Variants in MYOCOS observed in about 807,000 individuals in gnomAD.
The protein encoded by MYOCOS is myocilin opposite strand, also known as myocilin opposite strand protein.
upstream of MYOCOS, among the ~76,000 whole-genome samples, chr1:171,618,782 G>T (rs146339522): frequency 1.9e-4 from 29 of 152,238 alleles, 1 homozygote; most frequent in East Asian, 5.0e-3. Flanking sequence ...CACCATGTTG[G>T]CCAGGCTGGT....
intron 1 of MYOCOS, among the ~76,000 whole-genome samples, chr1:171,607,970 A>G (rs545626129): frequency 6.6e-6 from 1 of 152,346 alleles, no homozygotes; most frequent in African/African-American, 2.4e-5. Context: ...CACATCTTAC[A>G]TGGCATCAGA....
At chr1:171,619,286 T>C (rs1652511342), upstream of MYOCOS, among the ~76,000 whole-genome samples, 1 of 152,220 alleles carries the variant, frequency 6.6e-6, no homozygotes, top group Non-Finnish European at 1.5e-5. Context: ...GTTCAACTGC[T>C]TTATTACTAG....
Position 171,623,974 on chromosome 1 carries a change from A to T in MYOCOS, c.91A>T (p.Thr31Ser). The T allele has an allele frequency of 2.5e-6, 1 of 398,560 alleles. No individual in the cohort carries two copies. Among genetic ancestry groups the T allele is most frequent in the Non-Finnish European group, 4.4e-6 (1 of 226,064 alleles). The allele number at this position is 398,560 out of a possible 1,614,324, so 24.7% of individuals were successfully genotyped here. A position where few individuals can be genotyped will look rare whatever the true frequency, so the allele number is the denominator to read the frequency against. The part of the protein sequence containing the change: ...EVTRRRVTMI[T>S]RKEIITQKSD... ...AACCAGGCGCCGAGTCACCATGATC[A>T]CAAGGTACCCAAAATCTTTCCTCTG... Residue 31 changes from threonine to serine, a missense_variant, in exon 2 of 3, where the codon ACA (threonine) becomes TCA (serine). By Grantham distance (58) the Thr-to-Ser change is moderately conservative (BLOSUM62 1). Transcript: ENST00000637642.
intron 1 of MYOCOS, among the ~76,000 whole-genome samples, chr1:171,607,515 A>G (rs1230000784): frequency 6.6e-6 from 1 of 152,198 alleles, no homozygotes; most frequent in Non-Finnish European, 1.5e-5. Flanking sequence ...TCTGTGTATT[A>G]AGGTACCATG....
chr1:171,624,521 C>T (rs1002072472), intron 2 of MYOCOS, among the ~76,000 whole-genome samples: 3 of 151,926 alleles, frequency 2.0e-5, no homozygotes, highest in Non-Finnish European at 4.4e-5. Context: ...ACTGCAAGCT[C>T]CGCCTCCCGG....
chr1:171,613,301 A>G (rs1326938295), intron 1 of MYOCOS, among the ~76,000 whole-genome samples: 1 of 152,196 alleles, frequency 6.6e-6, no homozygotes, highest in Non-Finnish European at 1.5e-5. Context: ...GGTTGCACAA[A>G]GGGAGGTCCC....
At chr1:171,623,481 C>A (rs1374368310) in intron 1 of MYOCOS, among the ~76,000 whole-genome samples, 1 of 152,150 alleles carries the variant, frequency 6.6e-6, no homozygotes, top group Non-Finnish European at 1.5e-5. Flanking sequence ...GAGGAACCAG[C>A]ATGAGACAGG....
chr1:171,624,435 A>AATTATTATTATT (rs72026900), intron 2 of MYOCOS, among the ~76,000 whole-genome samples: 2,570 of 147,154 alleles, frequency 0.017, 50 homozygotes, highest in African/African-American at 0.043. Context: ...ACGTCTGGTT[A>AATTATTATTATT]ATTATTATTA....
intron 1 of MYOCOS, chr1:171,604,227 C>T (rs1652201125): frequency 6.6e-6 from 1 of 152,152 alleles, no homozygotes; most frequent in African/African-American, 2.4e-5. Context: ...TCCAGTCACA[C>T]CCGGAAGGTG....
chr1:171,605,373 CCACACA>C (rs55880778), intron 1 of MYOCOS, among the ~76,000 whole-genome samples: 1 of 139,222 alleles, frequency 7.2e-6, no homozygotes, highest in African/African-American at 2.6e-5. Flanking sequence ...ATTAATAGTA[CCACACA>C]CACACACACA....
intron 1 of MYOCOS, among the ~76,000 whole-genome samples, chr1:171,611,776 G>C (rs1196510268): frequency 6.6e-6 from 1 of 152,166 alleles, no homozygotes. Context: ...ACCAGGCATT[G>C]TGCTTCTTTC....
At chr1:171,602,855 C>G (rs1409813675) in intron 1 of MYOCOS, among the ~76,000 whole-genome samples, 1 of 152,144 alleles carries the variant, frequency 6.6e-6, no homozygotes, top group Non-Finnish European at 1.5e-5. Flanking sequence ...AAGTTAAAGA[C>G]TTAAAACAAA....
chr1:171,609,534 C>G (rs1463985887), intron 1 of MYOCOS, among the ~76,000 whole-genome samples: 1 of 152,200 alleles, frequency 6.6e-6, no homozygotes, highest in Non-Finnish European at 1.5e-5. Flanking sequence ...CCAAGTGGGT[C>G]ACTGGGAATG....
intron 1 of MYOCOS, among the ~76,000 whole-genome samples, chr1:171,606,236 TC>T (rs889507928): frequency 3.3e-5 from 5 of 152,152 alleles, no homozygotes; most frequent in African/African-American, 1.2e-4. Flanking sequence ...CCAAAATGCT[TC>T]AGCACAAGTG....
chr1:171,601,513 G>C lies in MYOCOS; in HGVS notation c.-252+433G>C, dbSNP rs1465016672. ...AAAAAAAAAATAGGTCAGGTGCAAA[G>C]TAAGCCCACCCCACTGGGAACTATG... On this transcript the variant is annotated intron_variant, in intron 1 of 3. Coordinates refer to the MYOCOS transcript ENST00000636697. 3.3e-5 allele frequency among the ~76,000 whole-genome samples: 5 copies of C among 151,808 alleles called. No homozygotes were observed. In the East Asian group the frequency reaches 7.7e-4, roughly 23 times the overall value.
chr1:171,618,756 A>G (rs1652496405), upstream of MYOCOS, among the ~76,000 whole-genome samples: 4 of 152,112 alleles, frequency 2.6e-5, 1 homozygote, highest in South Asian at 8.3e-4. Context: ...TTGTATTTTT[A>G]GTAGAGACGG....
At chr1:171,621,381 T>C (rs1481253443), upstream of MYOCOS, among the ~76,000 whole-genome samples, 1 of 146,902 alleles carries the variant, frequency 6.8e-6, no homozygotes, top group South Asian at 2.2e-4. Context: ...TGGGTTTTTT[T>C]TTTTTTTTTT....
At chr1:171,622,178 T>G (rs7529021), upstream of MYOCOS, 30,287 of 152,040 alleles carry the variant, frequency 0.2, 3,244 homozygotes, top group East Asian at 0.32. Flanking sequence ...TAAAAAGTAG[T>G]CAATAAAGAG....
upstream of MYOCOS, among the ~76,000 whole-genome samples, chr1:171,617,358 G>A (rs1188374173): frequency 6.6e-6 from 1 of 152,114 alleles, no homozygotes; most frequent in East Asian, 1.9e-4. Flanking sequence ...ACAGGGAAAT[G>A]AGTGTAGAGA....
Sources: allele counts gnomAD v4.1 joint callset (sites outside exome capture counted in the v4.1 genomes callset), GRCh38; gene constraint gnomAD v4.1.1; transcripts MANE v1.5; gene names NCBI Gene and HGNC (gene_info 2026-07-23, HGNC 2026-07-21).